NBEAL1: variants seen among roughly 807,000 people sequenced by gnomAD.
The protein encoded by NBEAL1 is neurobeachin like 1.
In NBEAL1, 273 loss-of-function variants were observed where a neutral mutation model predicts 351.3. The observed-to-expected ratio is 0.78, with a 90% CI of 0.70 to 0.86. The LOEUF (loss-of-function observed/expected upper bound fraction) is 0.86, where lower values mean the gene tolerates loss of function less well. Among genes scored for constraint, NBEAL1 ranks in the 40% least tolerant of loss-of-function variants. The pLI, the probability that NBEAL1 is intolerant of heterozygous loss-of-function variation, is 0.00. For missense variants in NBEAL1, 2,961 were observed against 3,201.3 expected (o/e 0.92, Z 1.81); for synonymous variants, 1,050 against 1,086.4 (o/e 0.97, Z 0.66).
intron 2 of NBEAL1, among the ~76,000 whole-genome samples, chr2:203,030,108 T>A (rs1255081378): frequency 6.6e-6 from 1 of 152,242 alleles, no homozygotes; most frequent in African/African-American, 2.4e-5. Context: ...GTGTAAGGCA[T>A]GACCGAACAA....
chr2:203,017,778 GA>G (rs1162460820), intron 2 of NBEAL1, among the ~76,000 whole-genome samples: 1 of 151,734 alleles, frequency 6.6e-6, no homozygotes, highest in African/African-American at 2.4e-5. Context: ...TTATTAAACA[GA>G]TAGTATAGTT....
intron 51 of NBEAL1, among the ~76,000 whole-genome samples, chr2:203,207,119 G>A (rs1251185914): frequency 6.7e-6 from 1 of 150,070 alleles, no homozygotes; most frequent in Non-Finnish European, 1.5e-5. Flanking sequence ...CCCCGTCTGA[G>A]AAGTGAGGAG....
chr2:203,138,261 A>C lies in NBEAL1; in HGVS notation c.4665A>C (p.Ile1555=). 1.2e-6 allele frequency: 2 copies of C among 1,614,000 alleles called. No individual in the cohort carries two copies. Among genetic ancestry groups the C allele is most frequent in the Non-Finnish European group, 1.7e-6 (2 of 1,179,856 alleles). ...ACGCCTTCCGACTAGTGCTGATCAT[A>C]CAGGACTTTCTTCAGTCAGAGGGAC... ...AENAFRLVLI[I]QDFLQSEGLV... The change falls in exon 30 of 56, where the codon ATA becomes ATC. Residue 1555 remains isoleucine (I), a synonymous_variant. Coordinates refer to ENST00000683969, the MANE Select transcript of NBEAL1 (RefSeq NM_001378026.1).
In NBEAL1 at chr2:203,068,680, T is replaced by A. The variant is rs188097388; in HGVS notation, c.598+205T>A. ...TATTTAATTTGCTGTTCTCAAAAAATTTTTTTAGAATAGCTGAATATTTTA... is the reference window on the plus strand; with the variant it reads ...TATTTAATTTGCTGTTCTCAAAAAAATTTTTTAGAATAGCTGAATATTTTA... On this transcript the variant is annotated intron_variant, in intron 7 of 55. Coordinates refer to ENST00000683969, the MANE Select transcript of NBEAL1 (RefSeq NM_001378026.1). Among the ~76,000 whole-genome samples the A allele has an allele frequency of 2.0e-4, 31 of 152,272 alleles. No homozygotes were observed. In the East Asian group the frequency reaches 4.1e-3, roughly 20 times the overall value.
chr2:203,025,254 G>A (rs1218379995), intron 2 of NBEAL1, among the ~76,000 whole-genome samples: 2 of 152,202 alleles, frequency 1.3e-5, no homozygotes, highest in South Asian at 2.1e-4. Flanking sequence ...TTGAAATCGA[G>A]TAGCAATACT....
Position 203,172,792 on chromosome 2 carries a change from C to T in NBEAL1, c.6262C>T (p.Arg2088Ter), listed in dbSNP as rs2064364864. ...GGACCTTAATAACCCTGCTGTATTT[C>T]GAGATCTTTCCAAACCAATTGGGGT... ...ELDLNNPAVFRDLSKPIGVVN... is the reference protein window; with the variant it reads ...ELDLNNPAVF The change falls in exon 41 of 56, where the codon CGA (arginine) becomes TGA (stop). Residue 2088 changes from arginine to a stop codon, truncating the protein, a stop_gained. Transcript: ENST00000683969. LOFTEE classifies it high-confidence loss of function. 2 of 1,611,808 alleles carry T rather than the reference C, an allele frequency of 1.2e-6. No homozygotes were observed. The highest frequency in any genetic ancestry group is 1.7e-6 in the Non-Finnish European group (2 of 1,178,716).
chr2:203,191,149 G>C (rs1256022145), intron 46 of NBEAL1: 13 of 1,584,110 alleles, frequency 8.2e-6, no homozygotes, highest in Non-Finnish European at 1.1e-5. Context: ...CTTAGCCAGA[G>C]AACTCTCTGG....
chr2:203,158,191 C>G (rs2063846925), intron 36 of NBEAL1, among the ~76,000 whole-genome samples: 1 of 151,794 alleles, frequency 6.6e-6, no homozygotes, highest in Non-Finnish European at 1.5e-5. Flanking sequence ...AAGAGAAAAA[C>G]AAAAAGAAAG....
In NBEAL1 at chr2:203,083,178, A is replaced by G. The variant is rs1308263124; in HGVS notation, c.685-41A>G. Reference sequence around the variant, plus strand: ...CATTATTGCAAACATACACAACTTCATTAGGTTTAGGTTTCATTTTTATTG... The same window carrying G: ...CATTATTGCAAACATACACAACTTCGTTAGGTTTAGGTTTCATTTTTATTG... On this transcript the variant is annotated intron_variant, in intron 8 of 55. Transcript: ENST00000683969. 3.4e-6 allele frequency: 5 copies of G among 1,478,160 alleles called. No individual in the cohort carries two copies. The African/African-American group carries it at 4.2e-5, about 13-fold the overall frequency. The allele number at this position is 1,478,160 out of a possible 1,614,324, so 91.6% of individuals were successfully genotyped here.
intron 22 of NBEAL1, 42 bp downstream of exon 22, chr2:203,126,758 G>A (rs1461258440): frequency 6.6e-7 from 1 of 1,519,378 alleles, no homozygotes; most frequent in South Asian, 1.3e-5. Flanking sequence ...AGTTGTTTTA[G>A]AAATTTATAA....
At chr2:203,179,758 TA>T (rs1421104484) in intron 42 of NBEAL1, among the ~76,000 whole-genome samples, 19 of 152,168 alleles carry the variant, frequency 1.2e-4, no homozygotes, top group Admixed American at 8.5e-4. Context: ...ATTCACTTTC[TA>T]TAATAAATTT....
At chr2:203,166,082 C>A in intron 36 of NBEAL1, 67 bp from the exon 37 acceptor site, 1 of 1,336,040 alleles carries the variant, frequency 7.5e-7, no homozygotes, top group Non-Finnish European at 1.0e-6. Context: ...TTAAATGTGG[C>A]ATTCTTTTCT....
intron 7 of NBEAL1, among the ~76,000 whole-genome samples, chr2:203,070,357 CTCTTT>C (rs1489038735): frequency 2.4e-5 from 3 of 126,204 alleles, no homozygotes; most frequent in Non-Finnish European, 5.0e-5. Flanking sequence ...CTCTCTCTCT[CTCTTT>C]TTTTTTTTTT....
intron 47 of NBEAL1, among the ~76,000 whole-genome samples, chr2:203,197,015 A>G (rs901895705): frequency 6.6e-6 from 1 of 152,200 alleles, no homozygotes; most frequent in African/African-American, 2.4e-5. Context: ...CTTAGGATAG[A>G]TCCTAAATCA....
chr2:203,027,411 GTAGTGGTATC>G (rs1273416537), intron 2 of NBEAL1, among the ~76,000 whole-genome samples: 1 of 152,052 alleles, frequency 6.6e-6, no homozygotes, highest in Non-Finnish European at 1.5e-5. Flanking sequence ...CTTCAGGCTG[GTAGTGGTATC>G]TACCCAGATT....
chr2:203,166,883 T>C (rs1209462800), intron 37 of NBEAL1, among the ~76,000 whole-genome samples: 1 of 152,088 alleles, frequency 6.6e-6, no homozygotes, highest in Non-Finnish European at 1.5e-5. Flanking sequence ...ATCATACCTT[T>C]GTATGTGTAC....
chr2:203,121,872 G>T (rs150243675), intron 18 of NBEAL1, among the ~76,000 whole-genome samples: 2 of 151,722 alleles, frequency 1.3e-5, no homozygotes, highest in East Asian at 3.9e-4. Flanking sequence ...TGCAACCTCC[G>T]TCTCCTGGGT....
chr2:203,200,185 C>A (rs2065354119), intron 49 of NBEAL1, among the ~76,000 whole-genome samples: 1 of 152,092 alleles, frequency 6.6e-6, no homozygotes, highest in African/African-American at 2.4e-5. Context: ...CAAGACCAGC[C>A]TGGCCAACAT....
At chr2:203,103,031 C>G (rs904949117) in intron 12 of NBEAL1, among the ~76,000 whole-genome samples, 1 of 152,018 alleles carries the variant, frequency 6.6e-6, no homozygotes, top group Non-Finnish European at 1.5e-5. Flanking sequence ...CTAGTTTGAT[C>G]TTGGGAGGTT....
Sources: gnomAD v4.1 joint callset for allele counts (sites outside exome capture counted in the v4.1 genomes callset) on GRCh38, gnomAD v4.1.1 for gene constraint, MANE v1.5 for transcripts, NCBI Gene and HGNC (gene_info 2026-07-23, HGNC 2026-07-21) for gene names.